The following STMN1 variants were observed in gnomAD, a reference collection of about 807,000 sequenced individuals.
STMN1 encodes the protein stathmin.
A neutral mutation model predicts 19.7 loss-of-function variants in STMN1; 3 were observed. The observed-to-expected ratio is 0.15, with a 90% CI of 0.07 to 0.39. The LOEUF (loss-of-function observed/expected upper bound fraction) is 0.39. Ranked by LOEUF, STMN1 falls within the 10% of genes least tolerant of loss-of-function variation. STMN1 has a pLI of 1.00. For missense variants in STMN1, 99 were observed against 176.0 expected (o/e 0.56, Z 2.48); for synonymous variants, 59 against 58.9 (o/e 1.00, Z -0.01).
intron 1 of STMN1, chr1:25,905,902 C>G (rs917602980): frequency 6.6e-6 from 1 of 152,400 alleles, no homozygotes; most frequent in Middle Eastern, 3.4e-3. Flanking sequence ...CAGAAGAACC[C>G]TCGTGGGGCC....
chr1:25,896,516 G>C (rs1557480512), downstream of STMN1, among the ~76,000 whole-genome samples: 1 of 152,020 alleles, frequency 6.6e-6, no homozygotes, highest in Non-Finnish European at 1.5e-5. Context: ...TTCTTCCTAT[G>C]GATCCAATTT....
intron 4 of STMN1, among the ~76,000 whole-genome samples, chr1:25,892,923 T>C (rs2048789157): frequency 6.6e-6 from 1 of 152,348 alleles, no homozygotes; most frequent in South Asian, 2.1e-4. Flanking sequence ...CCCCACAGGT[T>C]ACCATTTAGG....
chr1:25,895,057 T>C (rs2048806443), intron 4 of STMN1, among the ~76,000 whole-genome samples: 1 of 151,180 alleles, frequency 6.6e-6, no homozygotes, highest in South Asian at 2.1e-4. Context: ...GGGAGACAGC[T>C]AGGTGACCTG....
At chr1:25,895,482 C>T (rs1367492460), downstream of STMN1, among the ~76,000 whole-genome samples, 4 of 152,134 alleles carry the variant, frequency 2.6e-5, no homozygotes, top group African/African-American at 9.7e-5. Context: ...TCAGGGACTG[C>T]AAATGCTGGG....
At chr1:25,890,122 T>TATTC (rs111486667) in intron 4 of STMN1, among the ~76,000 whole-genome samples, 8,172 of 151,940 alleles carry the variant, frequency 0.054, 693 homozygotes, top group African/African-American at 0.18. Context: ...ACTGGAGGTG[T>TATTC]ATTCATTCAA....
In STMN1 at chr1:25,900,939, A is replaced by G; in HGVS notation, c.*77T>C. The G allele has an allele frequency of 6.2e-7, 1 of 1,605,500 alleles. No homozygotes were observed. Among genetic ancestry groups the G allele is most frequent in the Non-Finnish European group, 8.5e-7 (1 of 1,176,674 alleles). ...TCTAAAATATTTGTCAGGAGGGAAA[A>G]AATAAAATGACACTGGCCAGTACAG... is the stretch of plus-strand genomic sequence containing the variant. On this transcript the variant is annotated 3_prime_UTR_variant, in exon 5 of 5. Coordinates refer to ENST00000455785, the MANE Select transcript of STMN1 (RefSeq NM_005563.4).
Position 25,890,237 on chromosome 1 carries a change from G to A in STMN1, c.379-4368C>T, listed in dbSNP as rs973968017. On this transcript the variant is annotated intron_variant, in intron 4 of 4. Transcript: ENST00000426559. ...GAAGAAGGAGCTTGGGGAAGGGGACGCAACACATGAGGTATGTCCGAAACT... is the reference window on the plus strand; with the variant it reads ...GAAGAAGGAGCTTGGGGAAGGGGACACAACACATGAGGTATGTCCGAAACT... Among the ~76,000 whole-genome samples the A allele has an allele frequency of 4.6e-5, 7 of 152,288 alleles. No homozygotes were observed. In the South Asian group the frequency reaches 1.0e-3, roughly 23 times the overall value.
chr1:25,901,185 C>T (rs748835919), intron 4 of STMN1, 98 bp from the exon 5 acceptor site: 9 of 1,538,536 alleles, frequency 5.8e-6, no homozygotes, highest in Non-Finnish European at 6.9e-6. Context: ...AGAGGCCCAA[C>T]ACAACCTCAG....
At chr1:25,891,517 G>A (rs947797942) in intron 4 of STMN1, among the ~76,000 whole-genome samples, 9 of 152,094 alleles carry the variant, frequency 5.9e-5, no homozygotes, top group Admixed American at 5.9e-4. Context: ...AGATATGCTG[G>A]GAGTTTGGAC....
Position 25,900,573 on chromosome 1 carries a change from C to T in STMN1, c.*443G>A, listed in dbSNP as rs1063720. On this transcript the variant is annotated 3_prime_UTR_variant, in exon 5 of 5. Transcript: ENST00000455785. ...CAAAAGAAGTCACTGCCACCAACAG[C>T]ACTGTGCAGTTTTATTAACCATTCA... The T allele has an allele frequency of 1.9e-5, 19 of 987,264 alleles. No individual in the cohort carries two copies. The highest frequency in any genetic ancestry group is 2.2e-5 in the Non-Finnish European group (18 of 830,972). 61.2% of individuals were successfully genotyped at this position (987,264 alleles called of 1,614,324 possible). A position where few individuals can be genotyped will look rare whatever the true frequency, so the allele number is the denominator to read the frequency against.
At chr1:25,892,918 C>A (rs1444661457) in intron 4 of STMN1, among the ~76,000 whole-genome samples, 1 of 152,216 alleles carries the variant, frequency 6.6e-6, no homozygotes, top group East Asian at 1.9e-4. Flanking sequence ...GGCTTCCCCA[C>A]AGGTTACCAT....
Position 25,900,964 on chromosome 1 carries a change from G to A in STMN1, c.*52C>T, listed in dbSNP as rs1047611033. ...AAATAAAATGACACTGGCCAGTACAGTCTTTGGATATTTAGGAAGGGGATG... is the reference window on the plus strand; with the variant it reads ...AAATAAAATGACACTGGCCAGTACAATCTTTGGATATTTAGGAAGGGGATG... On this transcript the variant is annotated 3_prime_UTR_variant, in exon 5 of 5. Transcript: ENST00000455785. 6 of 1,612,950 alleles carry A rather than the reference G, an allele frequency of 3.7e-6. No homozygotes were observed. In the African/African-American group the frequency reaches 6.7e-5, roughly 18 times the overall value.
intron 4 of STMN1, chr1:25,885,948 G>A: frequency 7.0e-7 from 1 of 1,433,480 alleles, no homozygotes. Context: ...CCTTCATCAG[G>A]GCTAAAACAG....
At chr1:25,905,912 C>T (rs1239162370) in intron 1 of STMN1, 1 of 152,276 alleles carries the variant, frequency 6.6e-6, no homozygotes, top group Non-Finnish European at 1.5e-5. Flanking sequence ...CTCGTGGGGC[C>T]CGGGAGCGCC....
rs1331021624 is a variant in STMN1, at chr1:25,906,158, C to CA, written c.-63+230dup. The CA allele has an allele frequency of 1.3e-5, 2 of 152,336 alleles. No individual in the cohort carries two copies. The highest frequency in any genetic ancestry group is 3.9e-4 in the East Asian group (2 of 5,170). The allele number at this position is 152,336 out of a possible 1,614,324, so 9.4% of individuals were successfully genotyped here. On this transcript the variant is annotated intron_variant, in intron 1 of 4. Transcript: ENST00000455785. This position sits in a 1 kb window ranked among gnomAD's most constrained non-coding sequence, Gnocchi z 4.5. ...CCGGAGCGGACGCCCGGTGATCGCC[C>CA]AGCCCCCTGCCCACGAACAGCCGCG... is the stretch of plus-strand genomic sequence containing the variant.
chr1:25,884,775 T>G (rs1233945127), downstream of STMN1: 3 of 152,826 alleles, frequency 2.0e-5, no homozygotes, highest in Non-Finnish European at 4.4e-5. Flanking sequence ...TGCACAGGCA[T>G]TTGGCAGCAA....
intron 4 of STMN1, among the ~76,000 whole-genome samples, chr1:25,891,117 G>C (rs2048770981): frequency 6.6e-6 from 1 of 152,132 alleles, no homozygotes; most frequent in Non-Finnish European, 1.5e-5. Flanking sequence ...TGGATCACCT[G>C]AGGTCAGGAG....
chr1:25,894,443 G>A (rs1289067959), intron 4 of STMN1, among the ~76,000 whole-genome samples: 2 of 152,230 alleles, frequency 1.3e-5, no homozygotes, highest in East Asian at 1.9e-4. Flanking sequence ...ACTCTGGGAA[G>A]TTGAGGCTGG....
At chr1:25,889,620 C>T (rs542289693) in intron 4 of STMN1, among the ~76,000 whole-genome samples, 44 of 152,154 alleles carry the variant, frequency 2.9e-4, no homozygotes, top group African/African-American at 9.6e-4. Flanking sequence ...ACTGTCCAAG[C>T]CACTCTCATC....
Sources: gnomAD v4.1 joint callset for allele counts (sites outside exome capture counted in the v4.1 genomes callset) on GRCh38, gnomAD v4.1.1 for gene constraint, Gnocchi (gnomAD v3.1) non-coding constraint, MANE v1.5 for transcripts, NCBI Gene and HGNC (gene_info 2026-07-23, HGNC 2026-07-21) for gene names.